Variants in TACR1 observed in about 807,000 individuals in gnomAD.
The protein encoded by TACR1 is tachykinin receptor 1, also known as substance-P receptor.
TACR1 carries 25 observed loss-of-function variants against 35.8 expected under a neutral mutation model. The ratio of observed to expected loss-of-function variants is 0.70; its 90% confidence interval spans 0.51 to 0.98. TACR1 has a LOEUF of 0.98. TACR1 is among the 50% of genes least tolerant of loss of function. The pLI is 0.00. For synonymous variants in TACR1, 195 were observed against 206.7 expected (o/e 0.94, Z 0.48); for missense variants, 478 against 522.9 (o/e 0.91, Z 0.84).
intron 1 of TACR1, among the ~76,000 whole-genome samples, chr2:75,179,568 C>G (rs1215032886): frequency 6.6e-6 from 1 of 152,224 alleles, no homozygotes; most frequent in Non-Finnish European, 1.5e-5. Context: ...TTAATGCTCA[C>G]TAAATATTCA....
intron 1 of TACR1, among the ~76,000 whole-genome samples, chr2:75,132,631 C>A (rs1198397595): frequency 6.6e-6 from 1 of 152,184 alleles, no homozygotes; most frequent in Non-Finnish European, 1.5e-5. Context: ...GTGACCTCTT[C>A]CATTATCTGT....
At chr2:75,139,433 G>C (rs553602723) in intron 1 of TACR1, among the ~76,000 whole-genome samples, 85 of 152,326 alleles carry the variant, frequency 5.6e-4, no homozygotes, top group South Asian at 1.2e-3. Context: ...TGATTAAAAT[G>C]AGAGCAGCAA....
At chr2:75,071,177 C>T (rs1271667374) in intron 2 of TACR1, among the ~76,000 whole-genome samples, 2 of 151,738 alleles carry the variant, frequency 1.3e-5, no homozygotes, top group Non-Finnish European at 2.9e-5. Context: ...TACTTGGCCT[C>T]TTAGAAAAAT....
chr2:75,065,532 G>A (rs750886798), intron 2 of TACR1, among the ~76,000 whole-genome samples: 1 of 152,226 alleles, frequency 6.6e-6, no homozygotes, highest in Non-Finnish European at 1.5e-5. Flanking sequence ...TCGCATCGCC[G>A]CAGTGGAAGG....
chr2:75,077,073 C>T (rs553731921), intron 2 of TACR1, among the ~76,000 whole-genome samples: 18 of 152,110 alleles, frequency 1.2e-4, no homozygotes, highest in Admixed American at 4.6e-4. Flanking sequence ...TGGGTTCAAG[C>T]GAATCTCCTG....
chr2:75,137,507 C>T (rs757065772), intron 1 of TACR1, among the ~76,000 whole-genome samples: 12 of 151,764 alleles, frequency 7.9e-5, no homozygotes, highest in Non-Finnish European at 1.6e-4. Flanking sequence ...GGGCGGATCA[C>T]GAGGTCAGGA....
intron 1 of TACR1, among the ~76,000 whole-genome samples, chr2:75,128,736 C>T (rs1373091713): frequency 6.6e-6 from 1 of 152,026 alleles, no homozygotes; most frequent in Non-Finnish European, 1.5e-5. Flanking sequence ...ATTTCATTTC[C>T]AGCTTGAGGG....
At chr2:75,078,776 A>G (rs1173440769) in intron 2 of TACR1, among the ~76,000 whole-genome samples, 4 of 144,146 alleles carry the variant, frequency 2.8e-5, no homozygotes, top group Non-Finnish European at 6.0e-5. Context: ...TTCCAGGTTT[A>G]TTTATTCCTT....
intron 2 of TACR1, among the ~76,000 whole-genome samples, chr2:75,087,875 G>A (rs1673218154): frequency 6.6e-6 from 1 of 152,158 alleles, no homozygotes; most frequent in Non-Finnish European, 1.5e-5. Flanking sequence ...GCTGTTAGTG[G>A]TATTTGGCAA....
chr2:75,095,825 C>T (rs1673410402), intron 2 of TACR1, among the ~76,000 whole-genome samples: 1 of 152,180 alleles, frequency 6.6e-6, no homozygotes, highest in Admixed American at 6.5e-5. Flanking sequence ...CCTGTCCCTT[C>T]TGTGTGCCCT....
intron 2 of TACR1, among the ~76,000 whole-genome samples, chr2:75,119,442 TA>T (rs1304309792): frequency 6.6e-6 from 1 of 152,126 alleles, no homozygotes; most frequent in Non-Finnish European, 1.5e-5. Flanking sequence ...ATGATTCACA[TA>T]AAAAACCCGA....
At chr2:75,068,035 G>A (rs568823239) in intron 2 of TACR1, among the ~76,000 whole-genome samples, 46 of 152,340 alleles carry the variant, frequency 3.0e-4, no homozygotes, top group African/African-American at 1.1e-3. Flanking sequence ...GACTGGGACT[G>A]GAAGGGTGTA....
At chr2:75,138,413 C>G (rs546890433) in intron 1 of TACR1, among the ~76,000 whole-genome samples, 2 of 152,330 alleles carry the variant, frequency 1.3e-5, no homozygotes, top group East Asian at 3.9e-4. Context: ...ACTACCTAGC[C>G]TGGACTCTTG....
intron 1 of TACR1, among the ~76,000 whole-genome samples, chr2:75,183,317 C>T (rs1045705111): frequency 6.6e-6 from 1 of 151,912 alleles, no homozygotes; most frequent in Non-Finnish European, 1.5e-5. Flanking sequence ...GAAGGGAGGG[C>T]CTCGAAAAAA....
rs544063564 is a variant in TACR1, at chr2:75,048,187, C to T, written c.*1245G>A. 5 of 152,322 alleles carry T rather than the reference C, an allele frequency of 3.3e-5. No individual in the cohort carries two copies. The highest frequency in any genetic ancestry group is 2.6e-4 in the Admixed American group (4 of 15,300). The allele number at this position is 152,322 out of a possible 1,614,324, so 9.4% of individuals were successfully genotyped here. ...GGGAAGATGCAAGATGCCCTCTTCC[C>T]AGAAGTGCAGCTGCAAAGTGCAGCC... On this transcript the variant is annotated 3_prime_UTR_variant, in exon 5 of 5. Transcript: ENST00000305249.
chr2:75,066,611 A>G (rs1304016798), intron 2 of TACR1, among the ~76,000 whole-genome samples: 1 of 152,228 alleles, frequency 6.6e-6, no homozygotes, highest in Non-Finnish European at 1.5e-5. Flanking sequence ...GTATTTCCAC[A>G]GCCTGTTCTT....
At chr2:75,051,149 T>G in intron 4 of TACR1, 102 bp downstream of exon 4, 1 of 1,471,640 alleles carries the variant, frequency 6.8e-7, no homozygotes, top group South Asian at 1.2e-5. Flanking sequence ...CTTGTCCCTC[T>G]TGTCTCACAG....
chr2:75,052,595 T>C (rs542040100), intron 3 of TACR1, among the ~76,000 whole-genome samples: 1 of 152,290 alleles, frequency 6.6e-6, no homozygotes, highest in East Asian at 1.9e-4. Flanking sequence ...TATATACTGA[T>C]TTTCAAAAAT....
chr2:75,128,793 A>G (rs1158097170), intron 1 of TACR1, among the ~76,000 whole-genome samples: 1 of 152,138 alleles, frequency 6.6e-6, no homozygotes, highest in African/African-American at 2.4e-5. Context: ...AGCTCACAAC[A>G]TTTGTGAGCT....
Sources: allele counts gnomAD v4.1 joint callset (sites outside exome capture counted in the v4.1 genomes callset), GRCh38; gene constraint gnomAD v4.1.1; transcripts MANE v1.5; gene names NCBI Gene and HGNC (gene_info 2026-07-23, HGNC 2026-07-21).